The following FIP1L1 variants were observed in gnomAD, a reference collection of about 807,000 sequenced individuals.
FIP1L1 encodes factor interacting with PAPOLA and CPSF1.
A neutral mutation model predicts 84.6 loss-of-function variants in FIP1L1; 21 were observed. The ratio of observed to expected loss-of-function variants is 0.25; its 90% CI spans 0.18 to 0.36. The LOEUF is 0.36. Among genes scored for constraint, FIP1L1 ranks in the 10% least tolerant of loss-of-function variants. The pLI, the probability that FIP1L1 is intolerant of heterozygous loss-of-function variation, is 1.00. For missense variants in FIP1L1, 526 were observed against 751.1 expected (o/e 0.70, Z 3.50); for synonymous variants, 263 against 242.3 (o/e 1.09, Z -0.80).
chr4:53,387,680 GA>G (rs1741847391), intron 5 of FIP1L1, among the ~76,000 whole-genome samples: 1 of 152,208 alleles, frequency 6.6e-6, no homozygotes, highest in South Asian at 2.1e-4. Flanking sequence ...GGAAAGCGAA[GA>G]AGCTCATTTA....
At chr4:53,451,756 G>A (rs1487213842) in intron 15 of FIP1L1, among the ~76,000 whole-genome samples, 1 of 151,592 alleles carries the variant, frequency 6.6e-6, no homozygotes, top group East Asian at 1.9e-4. Flanking sequence ...AAAAAACTCT[G>A]CTATTGAATA....
intron 10 of FIP1L1, among the ~76,000 whole-genome samples, chr4:53,400,332 C>T (rs572011147): frequency 1.8e-4 from 27 of 152,002 alleles, no homozygotes; most frequent in Non-Finnish European, 3.2e-4. Context: ...CATATGTTCC[C>T]GAAGGTATCA....
At chr4:53,418,608 T>C (rs1760861379) in intron 11 of FIP1L1, among the ~76,000 whole-genome samples, 1 of 152,214 alleles carries the variant, frequency 6.6e-6, no homozygotes, top group Admixed American at 6.5e-5. Flanking sequence ...CATATCCTAA[T>C]GCACAGTTTA....
intron 9 of FIP1L1, among the ~76,000 whole-genome samples, chr4:53,396,741 A>T (rs1433526568): frequency 1.3e-5 from 2 of 152,210 alleles, no homozygotes; most frequent in East Asian, 3.8e-4. Flanking sequence ...ACAACCTCAA[A>T]TGGACAGTGC....
intron 5 of FIP1L1, among the ~76,000 whole-genome samples, chr4:53,386,529 A>G (rs62323220): frequency 0.12 from 17,915 of 152,212 alleles, 1,144 homozygotes; most frequent in East Asian, 0.16. Context: ...GTGATTCGAA[A>G]GGTTTGAGAG....
chr4:53,377,898 T>C lies in FIP1L1; in HGVS notation c.60T>C (p.Asp20=), dbSNP rs1735397286. Residue 20 remains aspartate, a synonymous_variant, in exon 1 of 18, where the codon GAT becomes GAC. Transcript: ENST00000337488. ...AGCTGAGCGGCGGGACCGGAGGGGA[T>C]GAGGAGGAAGAGTGGCTCTATGGCG... is the stretch of plus-strand genomic sequence containing the variant. ...VSELSGGTGG[D]EEEEWLYGGP... The C allele has an allele frequency of 1.3e-6, 2 of 1,599,714 alleles. No individual in the cohort carries two copies. The highest frequency in any genetic ancestry group is 1.3e-5 in the African/African-American group (1 of 74,584).
chr4:53,380,674 T>C (rs1424119864), intron 3 of FIP1L1, among the ~76,000 whole-genome samples: 1 of 152,222 alleles, frequency 6.6e-6, no homozygotes, highest in Admixed American at 6.5e-5. Flanking sequence ...TCCCCTATAG[T>C]CTTTTCACTC....
At chr4:53,458,938 T>G in intron 17 of FIP1L1, 148 bp downstream of exon 17, 1 of 919,062 alleles carries the variant, frequency 1.1e-6, no homozygotes, top group Non-Finnish European at 1.6e-6. Context: ...TCTCAAATTT[T>G]TTTAAAAAAG....
At chr4:53,427,096 A>G (rs1764638790) in intron 12 of FIP1L1, among the ~76,000 whole-genome samples, 2 of 152,132 alleles carry the variant, frequency 1.3e-5, no homozygotes, top group South Asian at 4.1e-4. Flanking sequence ...TCCCCTTACC[A>G]TTAAAATGCC....
At chr4:53,420,127 G>A (rs1190862387) in intron 11 of FIP1L1, among the ~76,000 whole-genome samples, 5 of 149,412 alleles carry the variant, frequency 3.3e-5, no homozygotes, top group African/African-American at 9.9e-5. Flanking sequence ...GAACCCGGGA[G>A]GCGGAGCTTG....
chr4:53,379,291 A>G (rs369434354), intron 3 of FIP1L1, 27 bp downstream of exon 3: 46 of 1,562,830 alleles, frequency 2.9e-5, no homozygotes, highest in Middle Eastern at 2.2e-4. Flanking sequence ...GTTGATGCCT[A>G]TTACACAGGT....
intron 13 of FIP1L1, chr4:53,440,880 T>TA (rs1186442731): frequency 6.6e-6 from 2 of 305,198 alleles, no homozygotes; most frequent in Admixed American, 4.7e-5. Flanking sequence ...GGATATAAAA[T>TA]AAAAGTTTTC....
At chr4:53,444,377 G>A (rs1268461372) in intron 15 of FIP1L1, among the ~76,000 whole-genome samples, 10 of 152,186 alleles carry the variant, frequency 6.6e-5, no homozygotes, top group Non-Finnish European at 1.5e-4. Flanking sequence ...TCACCAATTT[G>A]TCTCAATCTT....
intron 13 of FIP1L1, 149 bp downstream of exon 13, chr4:53,428,332 T>C (rs1272904877): frequency 6.2e-6 from 4 of 646,590 alleles, no homozygotes; most frequent in Non-Finnish European, 9.4e-6. Flanking sequence ...GAAACAGATA[T>C]ATATATGTTT....
intron 15 of FIP1L1, among the ~76,000 whole-genome samples, chr4:53,446,866 G>A (rs1774398320): frequency 6.6e-6 from 1 of 151,948 alleles, no homozygotes; most frequent in Non-Finnish European, 1.5e-5. Context: ...GGTAATACAT[G>A]CACATTTTTA....
chr4:53,410,455 A>G (rs1233949385), intron 10 of FIP1L1, among the ~76,000 whole-genome samples: 1 of 152,224 alleles, frequency 6.6e-6, no homozygotes, highest in Non-Finnish European at 1.5e-5. Context: ...AACTTCTGGA[A>G]CTACCACTGC....
chr4:53,457,307 C>A (rs1343981415), intron 16 of FIP1L1, among the ~76,000 whole-genome samples: 1 of 152,138 alleles, frequency 6.6e-6, no homozygotes, highest in Non-Finnish European at 1.5e-5. Flanking sequence ...CTCCTCTCTA[C>A]TGACTGGCAT....
At chr4:53,438,851 C>T (rs1770654091) in intron 13 of FIP1L1, among the ~76,000 whole-genome samples, 1 of 152,092 alleles carries the variant, frequency 6.6e-6, no homozygotes, top group Non-Finnish European at 1.5e-5. Flanking sequence ...TAGTTTTTAG[C>T]ATGAATTTAC....
intron 14 of FIP1L1, 106 bp downstream of exon 14, chr4:53,442,813 G>T: frequency 1.6e-6 from 1 of 613,816 alleles, no homozygotes; most frequent in Non-Finnish European, 2.8e-6. Flanking sequence ...CACAGCACCT[G>T]TCTTTTAATT....
Sources: gnomAD v4.1 joint callset for allele counts (sites outside exome capture counted in the v4.1 genomes callset) on GRCh38, gnomAD v4.1.1 for gene constraint, MANE v1.5 for transcripts, NCBI Gene and HGNC (gene_info 2026-07-23, HGNC 2026-07-21) for gene names.